SYN3: variants seen among roughly 807,000 people sequenced by gnomAD.
The protein encoded by SYN3 is synapsin III, also known as synapsin-3.
A neutral mutation model predicts 65.8 loss-of-function variants in SYN3; 35 were observed. The ratio of observed to expected loss-of-function variants is 0.53; its 90% CI spans 0.41 to 0.70. The LOEUF is 0.70. Ranked by LOEUF, SYN3 falls within the 30% of genes least tolerant of loss-of-function variation. The pLI is 0.00. For missense variants in SYN3, 680 were observed against 749.0 expected, an observed-to-expected ratio of 0.91 and a Z score of 1.08; for synonymous variants, 270 against 292.9, an observed-to-expected ratio of 0.92 and a Z score of 0.80.
intron 7 of SYN3, among the ~76,000 whole-genome samples, chr22:32,579,740 G>C (rs144114426): frequency 4.6e-5 from 7 of 152,296 alleles, no homozygotes; most frequent in Middle Eastern, 3.4e-3. Flanking sequence ...GGGGCCAGAA[G>C]GGGTGGTGGG....
chr22:32,930,268 G>T (rs2050591090), intron 4 of SYN3, among the ~76,000 whole-genome samples: 1 of 152,138 alleles, frequency 6.6e-6, no homozygotes, highest in South Asian at 2.1e-4. Flanking sequence ...CTGTTCTCGT[G>T]TTAGTGAGTA....
intron 3 of SYN3, among the ~76,000 whole-genome samples, chr22:32,952,860 T>C (rs1224416663): frequency 6.6e-6 from 1 of 152,246 alleles, no homozygotes; most frequent in African/African-American, 2.4e-5. Context: ...ACAAACGAGT[T>C]TGAATCTGAT....
At position 32,835,466 on chromosome 22, in the gene SYN3, T is replaced by C. The variant is rs547827795; in HGVS notation, c.711+29449A>G. 3.3e-5 allele frequency among the ~76,000 whole-genome samples: 5 copies of C among 152,258 alleles called. 1 individual carries two copies. The highest frequency in any genetic ancestry group is 9.6e-5 in the African/African-American group (4 of 41,548). ...AAACAGGGGTTCTGTTCTAGTCTTA[T>C]GCTTGCAGGAGGTGGTTGGGGATGG... On this transcript the variant is annotated intron_variant, in intron 6 of 13. Coordinates refer to ENST00000358763, the MANE Select transcript of SYN3 (RefSeq NM_003490.4).
intron 2 of SYN3, among the ~76,000 whole-genome samples, chr22:32,984,635 C>G (rs1001832504): frequency 1.3e-5 from 2 of 152,102 alleles, no homozygotes; most frequent in Admixed American, 6.5e-5. Context: ...GTGGGAATAT[C>G]CCCTCACTCC....
intron 3 of SYN3, among the ~76,000 whole-genome samples, chr22:32,936,863 T>G (rs1056754463): frequency 1.3e-5 from 2 of 152,216 alleles, no homozygotes; most frequent in Admixed American, 1.3e-4. Context: ...GAAAGTCCCA[T>G]GTCTTGGAAA....
chr22:32,805,300 G>T (rs62232904), intron 6 of SYN3, among the ~76,000 whole-genome samples: 1 of 152,114 alleles, frequency 6.6e-6, no homozygotes, highest in Admixed American at 6.5e-5. Context: ...TTCTGACAGG[G>T]GCCAGTGCCA....
intron 1 of SYN3, among the ~76,000 whole-genome samples, chr22:33,019,167 C>T (rs1408876840): frequency 6.6e-6 from 1 of 152,212 alleles, no homozygotes; most frequent in African/African-American, 2.4e-5. Context: ...CACACTGTAA[C>T]CCAGAAATAC....
chr22:32,521,735 C>A (rs1057141827), intron 12 of SYN3, among the ~76,000 whole-genome samples: 4 of 152,082 alleles, frequency 2.6e-5, no homozygotes, highest in Non-Finnish European at 5.9e-5. Context: ...TGTGAGTCAC[C>A]GCGCCCAGCT....
chr22:32,806,719 C>T (rs1023330587), intron 6 of SYN3, among the ~76,000 whole-genome samples: 1 of 152,208 alleles, frequency 6.6e-6, no homozygotes, highest in African/African-American at 2.4e-5. Context: ...TATATGAATA[C>T]ATTCTATGTC....
chr22:32,569,561 C>CTATATATATA lies in SYN3; in HGVS notation c.774+27112_774+27113insTATATATATA, dbSNP rs1458371419. Among the ~76,000 whole-genome samples the CTATATATATA allele has an allele frequency of 3.1e-3, 161 of 51,688 alleles. 1 individual carries two copies. The highest frequency in any genetic ancestry group is 9.0e-3 in the Admixed American group (35 of 3,892). The allele number at this position is 51,688 out of a possible 152,430, so 33.9% of individuals were successfully genotyped here. The stretch of plus-strand genomic sequence containing the variant: ...AATCTCTCTCTCTCTCTCTCTCTCT[C>CTATATATATA]TCTCTCTCTCTATATATATATATAT... On this transcript the variant is annotated intron_variant, in intron 7 of 13. Coordinates refer to ENST00000358763, the MANE Select transcript of SYN3 (RefSeq NM_003490.4).
intron 6 of SYN3, among the ~76,000 whole-genome samples, chr22:32,699,492 G>A (rs2060782632): frequency 6.6e-6 from 1 of 152,154 alleles, no homozygotes; most frequent in Non-Finnish European, 1.5e-5. Context: ...AGAGAGTGGT[G>A]GAGAAACAGT....
intron 6 of SYN3, among the ~76,000 whole-genome samples, chr22:32,685,402 C>T (rs1288929696): frequency 2.0e-5 from 3 of 152,220 alleles, no homozygotes; most frequent in Non-Finnish European, 4.4e-5. Context: ...TGCCACATAA[C>T]GACACTGTAG....
At chr22:32,566,693 T>C (rs1002711592) in intron 7 of SYN3, among the ~76,000 whole-genome samples, 33 of 152,244 alleles carry the variant, frequency 2.2e-4, no homozygotes, top group African/African-American at 7.5e-4. Flanking sequence ...CTGGAGAGAA[T>C]GGAGACAACT....
chr22:32,628,420 G>A (rs1392635831), intron 6 of SYN3, among the ~76,000 whole-genome samples: 1 of 152,100 alleles, frequency 6.6e-6, no homozygotes, highest in Non-Finnish European at 1.5e-5. Flanking sequence ...TGGGACTGGT[G>A]GGAACAGCAG....
intron 4 of SYN3, among the ~76,000 whole-genome samples, chr22:32,911,376 C>T (rs1385790815): frequency 6.6e-6 from 1 of 152,338 alleles, no homozygotes; most frequent in East Asian, 1.9e-4. Context: ...TCAATCCCCA[C>T]TTGGAGGACA....
intron 6 of SYN3, among the ~76,000 whole-genome samples, chr22:32,711,917 C>G (rs1435455505): frequency 1.3e-5 from 2 of 152,214 alleles, no homozygotes; most frequent in Non-Finnish European, 2.9e-5. Flanking sequence ...ATGGTTTGAT[C>G]AGGTGTCTGA....
At chr22:32,726,637 G>C (rs1372432275) in intron 6 of SYN3, among the ~76,000 whole-genome samples, 1 of 152,176 alleles carries the variant, frequency 6.6e-6, no homozygotes, top group Non-Finnish European at 1.5e-5. Flanking sequence ...GTTTTGCAAG[G>C]GGGAGGGTGC....
At chr22:32,890,254 T>A (rs1215554838) in intron 4 of SYN3, among the ~76,000 whole-genome samples, 1 of 150,138 alleles carries the variant, frequency 6.7e-6, no homozygotes, top group Non-Finnish European at 1.5e-5. Context: ...AATTTGTGTA[T>A]CTTTTATAGA....
intron 4 of SYN3, among the ~76,000 whole-genome samples, chr22:32,907,746 T>G (rs908657673): frequency 6.6e-6 from 1 of 152,210 alleles, no homozygotes; most frequent in Non-Finnish European, 1.5e-5. Flanking sequence ...CTTGCTCTAA[T>G]GGAGCTTACG....
Sources: allele counts gnomAD v4.1 joint callset (sites outside exome capture counted in the v4.1 genomes callset), GRCh38; gene constraint gnomAD v4.1.1; transcripts MANE v1.5; gene names NCBI Gene and HGNC (gene_info 2026-07-23, HGNC 2026-07-21).